The following FHIP2B variants were observed in gnomAD, a reference collection of about 807,000 sequenced individuals.
The protein encoded by FHIP2B is FHF complex subunit HOOK interacting protein 2B, also known as FHF complex subunit HOOK-interacting protein 2B.
Under a neutral mutation model 84.0 loss-of-function variants are expected in FHIP2B, and 72 were observed. That is an observed-to-expected ratio of 0.86 (90% CI 0.71 to 1.04). The LOEUF (loss-of-function observed/expected upper bound fraction) is 1.04, where lower values mean the gene tolerates loss of function less well. FHIP2B is among the 50% of genes least tolerant of loss of function. The pLI, the probability that FHIP2B is intolerant of heterozygous loss-of-function variation, is 0.00. For synonymous variants in FHIP2B, 497 were observed against 418.7 expected (o/e 1.19, Z -2.28); for missense variants, 972 against 968.9 (o/e 1.00, Z -0.04).
intron 11 of FHIP2B, 48 bp downstream of exon 11, chr8:22,100,787 G>A (rs757983151): frequency 3.1e-5 from 50 of 1,611,260 alleles, no homozygotes; most frequent in Non-Finnish European, 3.8e-5. Context: ...CTTAGCACTC[G>A]CACGCTCACT....
intron 13 of FHIP2B, 77 bp from the exon 14 acceptor site, chr8:22,101,631 C>T (rs993411731): frequency 6.5e-5 from 102 of 1,557,380 alleles, no homozygotes; most frequent in Non-Finnish European, 8.6e-5. Flanking sequence ...GACCCCAGCC[C>T]ATCCCTCCTG....
rs753442027 is a variant in FHIP2B at position 22,104,706 on chromosome 8, G to A, written c.*1775G>A. On this transcript the variant is annotated 3_prime_UTR_variant, in exon 17 of 17. Transcript: ENST00000289921. ...TCTCATTTGGGTGTGTTTATGCTGC[G>A]TGTTGTATGCCTGTTTTAGTCATAA... 6.6e-6 allele frequency: 1 copy of A among 152,078 alleles called. No homozygotes were observed. The highest frequency in any genetic ancestry group is 2.4e-5 in the African/African-American group (1 of 41,388). The allele number at this position is 152,078 out of a possible 1,614,324, so 9.4% of individuals were successfully genotyped here. A position where few individuals can be genotyped will look rare whatever the true frequency, so the allele number is the denominator to read the frequency against.
intron 2 of FHIP2B, chr8:22,094,765 GC>G: frequency 7.6e-7 from 1 of 1,308,198 alleles, no homozygotes; most frequent in Non-Finnish European, 9.7e-7. Flanking sequence ...GGAAGGAGTA[GC>G]CTGGTTGGGG....
chr8:22,103,106 G>T lies in FHIP2B; in HGVS notation c.*175G>T, dbSNP rs540740668. On this transcript the variant is annotated 3_prime_UTR_variant, in exon 17 of 17. Coordinates refer to ENST00000289921, the MANE Select transcript of FHIP2B (RefSeq NM_022749.7). ...TGGGTTTCAGGGAATGGGCATGCCA[G>T]GTGCCAAGGAGCCAAACAGATGGCT... is the stretch of plus-strand genomic sequence containing the variant. 3.3e-5 allele frequency: 29 copies of T among 868,072 alleles called. No individual in the cohort carries two copies. The African/African-American group carries it at 4.6e-4, about 14-fold the overall frequency. The allele number at this position is 868,072 out of a possible 1,614,324, so 53.8% of individuals were successfully genotyped here. A position where few individuals can be genotyped will look rare whatever the true frequency, so the allele number is the denominator to read the frequency against.
rs1176152774 is a variant in FHIP2B at position 22,099,371 on chromosome 8, A to C, written c.1151+11A>C. 6.2e-7 allele frequency: 1 copy of C among 1,612,556 alleles called. No individual in the cohort carries two copies. Among genetic ancestry groups the C allele is most frequent in the Non-Finnish European group, 8.5e-7 (1 of 1,179,302 alleles). ...CCAGCTCCTGCACGTGTAAGTGTCT[A>C]GTTCCCTCAGGCATGACTGTGGTCT... On this transcript the variant is annotated intron_variant, in intron 9 of 16. Coordinates refer to ENST00000289921, the MANE Select transcript of FHIP2B (RefSeq NM_022749.7).
At chr8:22,089,698 AC>A in intron 1 of FHIP2B, 2 of 1,123,038 alleles carry the variant, frequency 1.8e-6, no homozygotes, top group South Asian at 1.4e-5. Flanking sequence ...CCTCCGCTCC[AC>A]CCCACCGCCT....
chr8:22,089,720 T>G, intron 1 of FHIP2B: 2 of 1,226,146 alleles, frequency 1.6e-6, no homozygotes, highest in Non-Finnish European at 2.1e-6. Context: ...CGCCTGGGCT[T>G]GAAAAAATCG....
In FHIP2B at chr8:22,098,465, C is replaced by T; in HGVS notation, c.811C>T (p.Leu271=). ...ALKAQENLLL[L]VSMASPAAAT... ...GAAGGCCCAGGAGAACCTGCTGCTC[C>T]TGGTGAGCATGGCCTCCCCAGCAGC... is the stretch of plus-strand genomic sequence containing the variant. Residue 271 remains leucine (L), a synonymous_variant, in exon 7 of 17, where the codon CTG becomes TTG. Transcript: ENST00000289921. 1 of 1,610,206 alleles carries T rather than the reference C, an allele frequency of 6.2e-7. No homozygotes were observed. Among genetic ancestry groups the T allele is most frequent in the East Asian group, 2.2e-5 (1 of 44,754 alleles).
rs370606615 is a variant in FHIP2B at position 22,101,828 on chromosome 8, C to T, written c.1828C>T (p.Arg610Cys). 10 of 1,613,430 alleles carry T rather than the reference C, an allele frequency of 6.2e-6. No homozygotes were observed. Among genetic ancestry groups the T allele is most frequent in the East Asian group, 2.2e-5 (1 of 44,876 alleles). ...CCACTTCCTCCGAGTGCTGTTTGAC[C>T]GCATGTCCCGGATTCTGGATCAGGT... ...EGHFLRVLFDRMSRILDQPYS... is the reference protein window; with the variant it reads ...EGHFLRVLFDCMSRILDQPYS... Residue 610 changes from arginine to cysteine, a missense_variant, in exon 14 of 17, where the codon CGC becomes TGC. Transcript: ENST00000289921.
chr8:22,101,234 G>T, intron 12 of FHIP2B: 1 of 638,740 alleles, frequency 1.6e-6, no homozygotes, highest in Non-Finnish European at 2.7e-6. Flanking sequence ...TGTTGGCCAG[G>T]CAGGTCTCGA....
rs777022672 is a variant in FHIP2B at position 22,104,202 on chromosome 8, C to G, written c.*1271C>G. ...CACCGTGCACATGTGGGTGCACAAA[C>G]GTGGGTGTTGGTGTGGACGGGGCGC... On this transcript the variant is annotated 3_prime_UTR_variant, in exon 17 of 17. Transcript: ENST00000289921. 1.3e-5 allele frequency: 2 copies of G among 152,370 alleles called. No individual in the cohort carries two copies. The highest frequency in any genetic ancestry group is 4.8e-5 in the African/African-American group (2 of 41,436). 9.4% of individuals were successfully genotyped at this position (152,370 alleles called of 1,614,324 possible). A position where few individuals can be genotyped will look rare whatever the true frequency, so the allele number is the denominator to read the frequency against.
In FHIP2B at chr8:22,099,364, A is replaced by G. The variant is rs1317057238; in HGVS notation, c.1151+4A>G. On this transcript the variant is annotated splice_donor_region_variant and intron_variant, in intron 9 of 16. Transcript: ENST00000289921. ...TGCAGCCCCAGCTCCTGCACGTGTA[A>G]GTGTCTAGTTCCCTCAGGCATGACT... 6.2e-7 allele frequency: 1 copy of G among 1,613,038 alleles called. No individual in the cohort carries two copies. The highest frequency in any genetic ancestry group is 1.7e-5 in the Admixed American group (1 of 59,894).
intron 10 of FHIP2B, 95 bp downstream of exon 10, chr8:22,099,988 C>T: frequency 7.6e-7 from 1 of 1,320,774 alleles, no homozygotes; most frequent in Non-Finnish European, 1.0e-6. Flanking sequence ...TCCCAGTTGA[C>T]TCCACCTTTG....
Position 22,098,989 on chromosome 8 carries a change from A to G in FHIP2B, c.1007A>G (p.Lys336Arg), listed in dbSNP as rs1283789146. 1.9e-6 allele frequency: 3 copies of G among 1,608,534 alleles called. No homozygotes were observed. The highest frequency in any genetic ancestry group is 8.5e-7 in the Non-Finnish European group (1 of 1,177,404). Reference sequence around the variant, plus strand: ...TCTGATGAGGCTTCCTTCCCTGGCAAGGAGGCCTTGGCTGCCTTCTTGGGC... The same window carrying G: ...TCTGATGAGGCTTCCTTCCCTGGCAGGGAGGCCTTGGCTGCCTTCTTGGGC... The part of the protein sequence containing the change: ...APSDEASFPG[K>R]EALAAFLGWF... The change falls in exon 8 of 17, where the codon AAG becomes AGG. Residue 336 changes from lysine to arginine, a missense_variant. Physicochemically the swap from Lys to Arg is conservative, Grantham distance 26 (BLOSUM62 2). Coordinates refer to ENST00000289921, the MANE Select transcript of FHIP2B (RefSeq NM_022749.7).
At chr8:22,099,465 C>G in intron 9 of FHIP2B, 105 bp downstream of exon 9, 1 of 1,280,186 alleles carries the variant, frequency 7.8e-7, no homozygotes, top group Non-Finnish European at 1.1e-6. Flanking sequence ...GACCAGAATC[C>G]CATTTGTGGA....
Position 22,102,970 on chromosome 8 carries a change from C to T in FHIP2B, c.*39C>T. 1 of 1,597,948 alleles carries T rather than the reference C, an allele frequency of 6.3e-7. No homozygotes were observed. On this transcript the variant is annotated 3_prime_UTR_variant, in exon 17 of 17. Coordinates refer to ENST00000289921, the MANE Select transcript of FHIP2B (RefSeq NM_022749.7). ...CGGTGGGAGACTCCTGTCCACACCT[C>T]TGCCCCAGAGCTGCCTCCTGCCTGG...
chr8:22,091,969 G>A (rs1422030129), intron 1 of FHIP2B, among the ~76,000 whole-genome samples: 1 of 152,218 alleles, frequency 6.6e-6, no homozygotes, highest in African/African-American at 2.4e-5. Flanking sequence ...GGCTCTCAGG[G>A]AGCTCATCAT....
intron 1 of FHIP2B, among the ~76,000 whole-genome samples, chr8:22,094,099 C>G (rs572800210): frequency 2.0e-5 from 3 of 152,108 alleles, no homozygotes; most frequent in Non-Finnish European, 4.4e-5. Context: ...TCTACTGTAG[C>G]GTAACCATGC....
rs1563598997 is a variant in FHIP2B at position 22,099,822 on chromosome 8, GAAGCCCCCGGGGAC to G, written c.1273_1286del (p.Ala425ProfsTer13). The G allele has an allele frequency of 1.9e-6, 3 of 1,613,060 alleles. No homozygotes were observed. The Admixed American group carries it at 5.0e-5, about 27-fold the overall frequency. Reference sequence around the variant, plus strand: ...CCTCCTGGGCACAGACCGGCAGCCTGAAGCCCCCGGGGACAACCCCCACACCCTGTATGCTCATC... The same window carrying G: ...CCTCCTGGGCACAGACCGGCAGCCTGAACCCCCACACCCTGTATGCTCATC... On this transcript the variant is annotated frameshift_variant, in exon 10 of 17. Transcript: ENST00000289921. LOFTEE classifies it high-confidence loss of function.
Sources: allele counts gnomAD v4.1 joint callset (sites outside exome capture counted in the v4.1 genomes callset), GRCh38; gene constraint gnomAD v4.1.1; transcripts MANE v1.5; gene names NCBI Gene and HGNC (gene_info 2026-07-23, HGNC 2026-07-21).